The following AATF variants were observed in gnomAD, a reference collection of about 807,000 sequenced individuals.
AATF encodes the protein protein AATF.
Under a neutral mutation model 63.7 loss-of-function variants are expected in AATF, and 48 were observed. The ratio of observed to expected loss-of-function variants is 0.75; its 90% CI spans 0.60 to 0.96. The LOEUF (loss-of-function observed/expected upper bound fraction) is 0.96, where lower values mean the gene tolerates loss of function less well. AATF is among the 40% of genes least tolerant of loss of function. The pLI is 0.00. For synonymous variants in AATF, 258 were observed against 247.7 expected (o/e 1.04, Z -0.39); for missense variants, 639 against 685.7 (o/e 0.93, Z 0.76).
At chr17:36,967,673 C>G (rs1215423445) in intron 4 of AATF, among the ~76,000 whole-genome samples, 1 of 152,132 alleles carries the variant, frequency 6.6e-6, no homozygotes, top group Non-Finnish European at 1.5e-5. Flanking sequence ...GTTGCACATC[C>G]TCTCATAGCT....
chr17:37,046,409 C>G (rs192442240), intron 11 of AATF, among the ~76,000 whole-genome samples: 2 of 152,202 alleles, frequency 1.3e-5, no homozygotes, highest in Admixed American at 1.3e-4. Context: ...AGAACACATG[C>G]TCCTTGAACG....
chr17:37,016,468 G>A (rs969265000), intron 8 of AATF, among the ~76,000 whole-genome samples: 1 of 152,130 alleles, frequency 6.6e-6, no homozygotes, highest in African/African-American at 2.4e-5. Flanking sequence ...GTATAATCAA[G>A]CCTTTCCGAA....
intron 4 of AATF, among the ~76,000 whole-genome samples, chr17:36,961,652 G>C (rs1414484333): frequency 6.6e-6 from 1 of 151,878 alleles, no homozygotes; most frequent in African/African-American, 2.4e-5. Context: ...TGTAGTTGCT[G>C]GGACAAAGGA....
At chr17:36,983,508 C>T (rs562491349) in intron 4 of AATF, among the ~76,000 whole-genome samples, 13 of 152,160 alleles carry the variant, frequency 8.5e-5, no homozygotes, top group East Asian at 3.9e-4. Context: ...CCACCATACC[C>T]GGCTGATTTT....
chr17:36,987,889 T>C (rs1217974708), intron 5 of AATF, among the ~76,000 whole-genome samples: 3 of 152,258 alleles, frequency 2.0e-5, no homozygotes, highest in African/African-American at 7.2e-5. Context: ...AATTTTTAAA[T>C]ACTGTCCTAT....
At position 36,989,324 on chromosome 17, in the gene AATF, G is replaced by A; in HGVS notation, c.1227G>A (p.Arg409=). The A allele has an allele frequency of 6.2e-7, 1 of 1,614,076 alleles. No homozygotes were observed. Among genetic ancestry groups the A allele is most frequent in the South Asian group, 1.1e-5 (1 of 91,066 alleles). ...TGGACAAAGAGAGATTACTTCGAAG[G>A]ACACAGACCAAGCGCTCTGTCTATC... ...ILMDKERLLR[R]TQTKRSVYRV... The change falls in exon 7 of 12, where the codon AGG becomes AGA. Residue 409 remains arginine (R), a synonymous_variant. Transcript: ENST00000619387.
At position 36,952,911 on chromosome 17, in the gene AATF, G is replaced by T. The variant is rs1434099036; in HGVS notation, c.309G>T (p.Gly103=). Residue 103 remains glycine, a synonymous_variant, in exon 3 of 12, where the codon GGG becomes GGT. Coordinates refer to ENST00000619387, the MANE Select transcript of AATF (RefSeq NM_012138.4). ...ATGAGGAAATATCTGATGAGGAAGG[G>T]TCTGGAGATGAAGATTCAGAGGGAC... The part of the protein sequence containing the change: ...SSDEEISDEE[G]SGDEDSEGLG... 1.2e-6 allele frequency: 2 copies of T among 1,614,122 alleles called. No individual in the cohort carries two copies. The highest frequency in any genetic ancestry group is 2.2e-5 in the South Asian group (2 of 91,082).
intron 4 of AATF, among the ~76,000 whole-genome samples, chr17:36,976,961 C>G (rs2071084352): frequency 6.6e-6 from 1 of 152,088 alleles, no homozygotes; most frequent in Admixed American, 6.5e-5. Flanking sequence ...TTGAGACACT[C>G]TAAGATAATC....
intron 3 of AATF, among the ~76,000 whole-genome samples, chr17:36,953,521 G>A (rs887185902): frequency 7.9e-5 from 12 of 152,190 alleles, no homozygotes; most frequent in African/African-American, 4.8e-5. Flanking sequence ...TGCAACTGGG[G>A]AAGATTGAAG....
chr17:36,997,383 G>GA (rs893009563), intron 8 of AATF, among the ~76,000 whole-genome samples: 9 of 151,980 alleles, frequency 5.9e-5, no homozygotes, highest in African/African-American at 1.9e-4. Flanking sequence ...AAATCAGTAA[G>GA]AAAAAAACAA....
intron 11 of AATF, among the ~76,000 whole-genome samples, chr17:37,045,162 C>A (rs977533982): frequency 2.6e-5 from 4 of 152,152 alleles, no homozygotes; most frequent in Non-Finnish European, 5.9e-5. Context: ...GAAGCTCTCA[C>A]CAGCCACCCT....
chr17:36,998,797 A>G (rs903187379), intron 8 of AATF: 4 of 152,234 alleles, frequency 2.6e-5, no homozygotes, highest in Non-Finnish European at 4.4e-5. Context: ...ATCCCTGCCC[A>G]AAGAATTTGT....
At chr17:36,949,351 C>A (rs1194508294) in intron 1 of AATF, 135 bp downstream of exon 1, 1 of 822,220 alleles carries the variant, frequency 1.2e-6, no homozygotes. Flanking sequence ...ACGTCGCCTC[C>A]CGCGAGGGTG....
At chr17:36,969,453 T>C (rs2071022264) in intron 4 of AATF, among the ~76,000 whole-genome samples, 3 of 152,226 alleles carry the variant, frequency 2.0e-5, no homozygotes, top group Non-Finnish European at 4.4e-5. Context: ...GAAGATATGA[T>C]ATTTTAACTG....
chr17:37,039,308 A>G (rs1032563846), intron 11 of AATF, among the ~76,000 whole-genome samples: 1 of 152,192 alleles, frequency 6.6e-6, no homozygotes, highest in Non-Finnish European at 1.5e-5. Flanking sequence ...CTAAAAAGAC[A>G]CAGGTTATTC....
chr17:36,987,311 T>C lies in AATF; in HGVS notation c.947+580T>C, dbSNP rs532003456. Among the ~76,000 whole-genome samples the C allele has an allele frequency of 9.8e-5, 15 of 152,292 alleles. No homozygotes were observed. In the South Asian group the frequency reaches 2.5e-3, roughly 25 times the overall value. ...TGGCCAAAAGCACATTTTTAAAATA[T>C]TAATGCTTAATTAATGTTTATGAAA... On this transcript the variant is annotated intron_variant, in intron 5 of 11. Coordinates refer to ENST00000619387, the MANE Select transcript of AATF (RefSeq NM_012138.4).
chr17:37,030,755 A>C (rs57054102), intron 10 of AATF, among the ~76,000 whole-genome samples: 1,875 of 152,252 alleles, frequency 0.012, 39 homozygotes, highest in African/African-American at 0.043. Flanking sequence ...GTGGAATTGC[A>C]GACCCCTTTT....
chr17:36,949,456 C>T (rs2070835638), intron 1 of AATF, among the ~76,000 whole-genome samples: 1 of 152,238 alleles, frequency 6.6e-6, no homozygotes, highest in South Asian at 2.1e-4. Context: ...GGGCTCAGGC[C>T]GAGAGGAGCT....
chr17:37,044,933 GC>G (rs773112214), intron 11 of AATF, among the ~76,000 whole-genome samples: 16 of 152,158 alleles, frequency 1.1e-4, no homozygotes, highest in Non-Finnish European at 2.2e-4. Flanking sequence ...GTGATTTATA[GC>G]TTTCGGTCAG....
Sources: allele counts gnomAD v4.1 joint callset (sites outside exome capture counted in the v4.1 genomes callset), GRCh38; gene constraint gnomAD v4.1.1; transcripts MANE v1.5; gene names NCBI Gene and HGNC (gene_info 2026-07-23, HGNC 2026-07-21).